Variants in PAQR3 observed in about 807,000 individuals in gnomAD.
PAQR3 encodes progestin and adipoQ receptor family member 3.
Under a neutral mutation model 41.7 loss-of-function variants are expected in PAQR3, and 39 were observed. The ratio of observed to expected loss-of-function variants is 0.93; its 90% CI spans 0.72 to 1.22. The LOEUF is 1.22. PAQR3 is among the 50% of genes most tolerant of loss of function. The pLI is 0.00. For missense variants in PAQR3, 366 were observed against 385.6 expected (o/e 0.95, Z 0.42); for synonymous variants, 140 against 140.6 (o/e 1.00, Z 0.03).
At position 78,919,088 on chromosome 4, in the gene PAQR3, C is replaced by T. The variant is rs1301681226; in HGVS notation, c.*1451G>A. 2 of 984,860 alleles carry T rather than the reference C, an allele frequency of 2.0e-6. No homozygotes were observed. The highest frequency in any genetic ancestry group is 1.2e-6 in the Non-Finnish European group (1 of 829,694). 61.0% of individuals were successfully genotyped at this position (984,860 alleles called of 1,614,324 possible). A position where few individuals can be genotyped will look rare whatever the true frequency, so the allele number is the denominator to read the frequency against. Reference sequence around the variant, plus strand: ...GAATTTATATTCCAAAAACACTACACTGGAAAAGAAACACAACATTTTACT... The same window carrying T: ...GAATTTATATTCCAAAAACACTACATTGGAAAAGAAACACAACATTTTACT... On this transcript the variant is annotated 3_prime_UTR_variant, in exon 6 of 6. Coordinates refer to ENST00000512733, the MANE Select transcript of PAQR3 (RefSeq NM_001040202.2).
In PAQR3 at chr4:78,918,334, A is replaced by G. The variant is rs1023021501; in HGVS notation, c.*2205T>C. The G allele has an allele frequency of 4.1e-6, 4 of 974,682 alleles. No homozygotes were observed. Among genetic ancestry groups the G allele is most frequent in the Admixed American group, 1.2e-4 (2 of 16,200 alleles). 60.4% of individuals were successfully genotyped at this position (974,682 alleles called of 1,614,324 possible). A position where few individuals can be genotyped will look rare whatever the true frequency, so the allele number is the denominator to read the frequency against. On this transcript the variant is annotated 3_prime_UTR_variant, in exon 6 of 6. Transcript: ENST00000512733. Reference sequence around the variant, plus strand: ...CTTTAAAATATTTTTTAATGTTAACAATGTCTTCAAAATTTTACCAGTAGT... The same window carrying G: ...CTTTAAAATATTTTTTAATGTTAACGATGTCTTCAAAATTTTACCAGTAGT...
chr4:78,893,835 G>T (rs1240813920), intron 11 of PAQR3, among the ~76,000 whole-genome samples: 1 of 152,172 alleles, frequency 6.6e-6, no homozygotes, highest in East Asian at 1.9e-4. Context: ...GAGTAGCTGG[G>T]ATTATAGTGT....
Position 78,930,325 on chromosome 4 carries a change from C to A in PAQR3, c.349G>T (p.Val117Phe), listed in dbSNP as rs754459887. Residue 117 changes from valine (V) to phenylalanine (F), a missense_variant and splice_region_variant, in exon 3 of 6, where the codon GTC becomes TTC. Coordinates refer to ENST00000512733, the MANE Select transcript of PAQR3 (RefSeq NM_001040202.2). ...TAGCCCACAGAGCAAAGCATACAGA[C>A]CTGTGAAAAATAAAAACAAATTAAC... ...ICSICLFCFQ[V>F]CMLCSVGYHL... 1.4e-5 allele frequency: 22 copies of A among 1,590,368 alleles called. No individual in the cohort carries two copies. Among genetic ancestry groups the A allele is most frequent in the African/African-American group, 2.7e-5 (2 of 73,062 alleles).
chr4:78,887,816 G>A (rs1268664117), intron 12 of PAQR3, among the ~76,000 whole-genome samples: 1 of 152,146 alleles, frequency 6.6e-6, no homozygotes, highest in Non-Finnish European at 1.5e-5. Context: ...GATGGAATAG[G>A]ATCGTGCATT....
At chr4:78,937,626 C>T (rs1737569450) in intron 1 of PAQR3, among the ~76,000 whole-genome samples, 1 of 151,984 alleles carries the variant, frequency 6.6e-6, no homozygotes, top group African/African-American at 2.4e-5. Context: ...TCTTTTTTTA[C>T]CTCTGGAAGC....
At position 78,935,291 on chromosome 4, in the gene PAQR3, A is replaced by G; in HGVS notation, c.186-8T>C. The G allele has an allele frequency of 6.2e-7, 1 of 1,607,778 alleles. No individual in the cohort carries two copies. The highest frequency in any genetic ancestry group is 8.5e-7 in the Non-Finnish European group (1 of 1,178,174). On this transcript the variant is annotated splice_polypyrimidine_tract_variant and splice_region_variant and intron_variant, in intron 1 of 5. Coordinates refer to ENST00000512733, the MANE Select transcript of PAQR3 (RefSeq NM_001040202.2). ...TTAGATAAAATAAACAAACTGGAAA[A>G]TAAACACACATGCAACTGAGATTCA...
At chr4:78,935,061 A>G in intron 2 of PAQR3, 60 bp downstream of exon 2, 1 of 1,550,274 alleles carries the variant, frequency 6.5e-7, no homozygotes, top group South Asian at 1.2e-5. Context: ...AGGTCACCTG[A>G]CCAAGACTGC....
rs1735491758 is a variant in PAQR3, at chr4:78,919,927, C to A, written c.*612G>T. 1 of 985,042 alleles carries A rather than the reference C, an allele frequency of 1.0e-6. No homozygotes were observed. The highest frequency in any genetic ancestry group is 1.2e-6 in the Non-Finnish European group (1 of 829,430). The allele number at this position is 985,042 out of a possible 1,614,324, so 61.0% of individuals were successfully genotyped here. A position where few individuals can be genotyped will look rare whatever the true frequency, so the allele number is the denominator to read the frequency against. On this transcript the variant is annotated 3_prime_UTR_variant, in exon 6 of 6. Coordinates refer to ENST00000512733, the MANE Select transcript of PAQR3 (RefSeq NM_001040202.2). ...TCTTCTCAACCCTTCTCTCAACTTA[C>A]TGCAGAAGTTTAAAGCTTTTGTTCT...
intron 11 of PAQR3, among the ~76,000 whole-genome samples, chr4:78,893,271 T>A (rs1482717790): frequency 6.6e-6 from 1 of 152,246 alleles, no homozygotes; most frequent in East Asian, 1.9e-4. Context: ...ATTACGAGAC[T>A]GCAACAATTC....
intron 5 of PAQR3, 59 bp from the exon 6 acceptor site, chr4:78,920,740 AAT>A: frequency 6.5e-7 from 1 of 1,528,480 alleles, no homozygotes; most frequent in Non-Finnish European, 8.8e-7. Flanking sequence ...TTAAAGGAAA[AAT>A]ATATTTCTTG....
At chr4:78,904,481 G>A (rs1006829730) in intron 11 of PAQR3, among the ~76,000 whole-genome samples, 7 of 151,814 alleles carry the variant, frequency 4.6e-5, no homozygotes, top group Non-Finnish European at 1.0e-4. Flanking sequence ...TTTCCTGAGA[G>A]ACTGTTTACA....
rs1377698217 is a variant in PAQR3 at position 78,939,287 on chromosome 4, G to A, written c.-63C>T. On this transcript the variant is annotated 5_prime_UTR_variant, in exon 1 of 6. Transcript: ENST00000512733. Reference sequence around the variant, plus strand: ...CCCCAGGTCCCGCCTCCCCGGGGAGGGGGCTTCGCCGCTGGCGCCCCCGCC... The same window carrying A: ...CCCCAGGTCCCGCCTCCCCGGGGAGAGGGCTTCGCCGCTGGCGCCCCCGCC... The A allele has an allele frequency of 2.7e-6, 4 of 1,482,174 alleles. No homozygotes were observed. In the South Asian group the frequency reaches 3.9e-5, roughly 15 times the overall value. The allele number at this position is 1,482,174 out of a possible 1,614,324, so 91.8% of individuals were successfully genotyped here.
intron 2 of PAQR3, among the ~76,000 whole-genome samples, chr4:78,932,647 T>C (rs1465180121): frequency 6.6e-6 from 1 of 152,188 alleles, no homozygotes; most frequent in Non-Finnish European, 1.5e-5. Flanking sequence ...CCTAAATTTC[T>C]ACATGATTAT....
chr4:78,922,891 G>A, intron 5 of PAQR3: 1 of 456,076 alleles, frequency 2.2e-6, no homozygotes, highest in Non-Finnish European at 4.4e-6. Flanking sequence ...TGACTCCAGA[G>A]CTAAAGTTCT....
At chr4:78,924,468 G>T (rs1253152527) in intron 4 of PAQR3, among the ~76,000 whole-genome samples, 1 of 152,034 alleles carries the variant, frequency 6.6e-6, no homozygotes, top group Non-Finnish European at 1.5e-5. Flanking sequence ...CCTAATACTG[G>T]TTATAAACCT....
At chr4:78,893,840 T>C (rs1390404356) in intron 11 of PAQR3, among the ~76,000 whole-genome samples, 2 of 152,184 alleles carry the variant, frequency 1.3e-5, no homozygotes, top group East Asian at 1.9e-4. Flanking sequence ...GCTGGGATTA[T>C]AGTGTGAGCC....
intron 11 of PAQR3, among the ~76,000 whole-genome samples, chr4:78,893,836 A>G (rs142449295): frequency 6.6e-6 from 1 of 152,144 alleles, no homozygotes; most frequent in Non-Finnish European, 1.5e-5. Context: ...AGTAGCTGGG[A>G]TTATAGTGTG....
chr4:78,928,036 G>C (rs923227543), intron 3 of PAQR3, among the ~76,000 whole-genome samples: 5 of 152,148 alleles, frequency 3.3e-5, no homozygotes, highest in African/African-American at 9.7e-5. Context: ...ATTTTTCAAC[G>C]ATCATGGACT....
At chr4:78,888,761 A>AT (rs370201314) in intron 11 of PAQR3, among the ~76,000 whole-genome samples, 18 of 152,274 alleles carry the variant, frequency 1.2e-4, no homozygotes, top group African/African-American at 4.3e-4. Context: ...TTTATATTAG[A>AT]TTTTAAGCTA....
Sources: gnomAD v4.1 joint callset for allele counts (sites outside exome capture counted in the v4.1 genomes callset) on GRCh38, gnomAD v4.1.1 for gene constraint, MANE v1.5 for transcripts, NCBI Gene and HGNC (gene_info 2026-07-23, HGNC 2026-07-21) for gene names.